CORO2B: variants seen among roughly 807,000 people sequenced by gnomAD.
CORO2B encodes coronin-2B.
Under a neutral mutation model 58.8 loss-of-function variants are expected in CORO2B, and 26 were observed. That is an observed-to-expected ratio of 0.44 (90% confidence interval 0.32 to 0.61). The LOEUF is 0.61. Among genes scored for constraint, CORO2B ranks in the 20% least tolerant of loss-of-function variants. The pLI, the probability that CORO2B is intolerant of heterozygous loss-of-function variation, is 0.04. For missense variants in CORO2B, 460 were observed against 645.1 expected (o/e 0.71, Z 3.11); for synonymous variants, 242 against 253.8 (o/e 0.95, Z 0.44).
intron 1 of CORO2B, among the ~76,000 whole-genome samples, chr15:68,599,330 T>G (rs1370668776): frequency 1.3e-5 from 2 of 152,206 alleles, no homozygotes; most frequent in African/African-American, 2.4e-5. Context: ...CCCCATGCCC[T>G]GAGTGGGAGG....
At chr15:68,565,663 C>T in the CORO2B span, among the ~76,000 whole-genome samples, 1 of 152,162 alleles carries the variant, frequency 6.6e-6, no homozygotes, top group South Asian at 2.1e-4. Context: ...GACGGGATGA[C>T]CCTCACTCCA....
the CORO2B span, among the ~76,000 whole-genome samples, chr15:68,556,900 G>A: frequency 7.9e-5 from 12 of 152,102 alleles, no homozygotes; most frequent in Non-Finnish European, 5.9e-5. Flanking sequence ...GTGAGGAGGG[G>A]ACTCACGAGA....
chr15:68,572,247 C>G, the CORO2B span, among the ~76,000 whole-genome samples: 2 of 152,190 alleles, frequency 1.3e-5, no homozygotes, highest in Non-Finnish European at 2.9e-5. Context: ...GCAGGAAGTC[C>G]AGGATGGTCC....
chr15:68,568,494 T>C, the CORO2B span, among the ~76,000 whole-genome samples: 1 of 152,134 alleles, frequency 6.6e-6, no homozygotes, highest in Non-Finnish European at 1.5e-5. Flanking sequence ...ATTATCTTGG[T>C]TTGTAGCTGA....
chr15:68,535,505 G>C, the CORO2B span, among the ~76,000 whole-genome samples: 1 of 151,976 alleles, frequency 6.6e-6, no homozygotes, highest in Admixed American at 6.6e-5. Flanking sequence ...GCACATGGTA[G>C]ACATTGAATA....
chr15:68,653,146 G>A (rs1342406695), intron 2 of CORO2B, among the ~76,000 whole-genome samples: 1 of 152,074 alleles, frequency 6.6e-6, no homozygotes, highest in African/African-American at 2.4e-5. Flanking sequence ...TGGGGTCCTG[G>A]AGCAGCGGTC....
the CORO2B span, among the ~76,000 whole-genome samples, chr15:68,541,592 A>G: frequency 6.6e-6 from 1 of 152,206 alleles, no homozygotes; most frequent in Non-Finnish European, 1.5e-5. Flanking sequence ...TCAGCAAAAC[A>G]ACATCTAGAG....
chr15:68,707,212 A>C (rs2084435109), intron 3 of CORO2B, among the ~76,000 whole-genome samples: 1 of 152,160 alleles, frequency 6.6e-6, no homozygotes, highest in Admixed American at 6.5e-5. Context: ...AGGAACACAA[A>C]TCCAAACAAC....
At chr15:68,690,428 A>C (rs1165393425) in intron 2 of CORO2B, among the ~76,000 whole-genome samples, 1 of 152,142 alleles carries the variant, frequency 6.6e-6, no homozygotes, top group African/African-American at 2.4e-5. Context: ...AATATTAGAC[A>C]TGGCCTACTG....
chr15:68,600,603 CT>C (rs1179172660), intron 1 of CORO2B, among the ~76,000 whole-genome samples: 1 of 152,214 alleles, frequency 6.6e-6, no homozygotes, highest in Non-Finnish European at 1.5e-5. Context: ...GTGGATGTGG[CT>C]TTTGGGGCCT....
the CORO2B span, among the ~76,000 whole-genome samples, chr15:68,561,926 G>A: frequency 1.3e-5 from 2 of 152,152 alleles, no homozygotes; most frequent in African/African-American, 4.8e-5. Context: ...TGTTGTGAGT[G>A]TGTACACATG....
chr15:68,689,501 A>G (rs1260828484), intron 2 of CORO2B, among the ~76,000 whole-genome samples: 1 of 152,244 alleles, frequency 6.6e-6, no homozygotes, highest in African/African-American at 2.4e-5. Context: ...AAATCAATAT[A>G]AATGTGTTTA....
chr15:68,651,020 G>A (rs929508153), intron 2 of CORO2B, among the ~76,000 whole-genome samples: 4 of 152,152 alleles, frequency 2.6e-5, no homozygotes, highest in East Asian at 1.9e-4. Context: ...ATGGGCTCGC[G>A]GTAGAAAGTT....
chr15:68,579,532 CT>C (rs1328148183), intron 1 of CORO2B, among the ~76,000 whole-genome samples: 12 of 152,222 alleles, frequency 7.9e-5, no homozygotes, highest in African/African-American at 2.4e-4. Flanking sequence ...AACCCCGGGA[CT>C]GCATTTTTAA....
At chr15:68,693,860 G>A (rs1892446005) in intron 2 of CORO2B, among the ~76,000 whole-genome samples, 1 of 152,108 alleles carries the variant, frequency 6.6e-6, no homozygotes, top group African/African-American at 2.4e-5. Context: ...TTTTGAGACA[G>A]AGTCTTGCTC....
chr15:68,710,381 G>A lies in CORO2B; in HGVS notation c.334-351G>A, dbSNP rs943150376. Among the ~76,000 whole-genome samples, 24 of 152,252 alleles carry A rather than the reference G, an allele frequency of 1.6e-4. No individual in the cohort carries two copies. The highest frequency in any genetic ancestry group is 5.1e-4 in the African/African-American group (21 of 41,468). On this transcript the variant is annotated intron_variant, in intron 3 of 11. Transcript: ENST00000261861. The surrounding 1 kb of genome is among the most constrained non-coding windows in gnomAD (Gnocchi z 4.1). ...AGAGTCTCCTAGAAGGATGTGGCAT[G>A]TGAAGCAAGGATAGGCTTTTTAACA...
At chr15:68,562,431 C>A in the CORO2B span, among the ~76,000 whole-genome samples, 1 of 152,204 alleles carries the variant, frequency 6.6e-6, no homozygotes, top group African/African-American at 2.4e-5. Context: ...TCCCTTACAT[C>A]AGATGTTCCC....
chr15:68,642,506 C>G (rs1901283704), intron 1 of CORO2B, among the ~76,000 whole-genome samples: 1 of 152,182 alleles, frequency 6.6e-6, no homozygotes, highest in South Asian at 2.1e-4. Context: ...GTTCTGGTGT[C>G]ATCTGTCTCC....
intron 3 of CORO2B, among the ~76,000 whole-genome samples, chr15:68,699,096 C>T (rs140110651): frequency 6.6e-6 from 1 of 152,220 alleles, no homozygotes; most frequent in Non-Finnish European, 1.5e-5. Flanking sequence ...TGTGCTTGGC[C>T]TGGAGAGAAT....
Sources: gnomAD v4.1 joint callset for allele counts (sites outside exome capture counted in the v4.1 genomes callset) on GRCh38, gnomAD v4.1.1 for gene constraint, Gnocchi (gnomAD v3.1) non-coding constraint, MANE v1.5 for transcripts, NCBI Gene and HGNC (gene_info 2026-07-23, HGNC 2026-07-21) for gene names.